DET1: variants seen among roughly 807,000 people sequenced by gnomAD.
DET1 encodes the protein DET1 partner of COP1 E3 ubiquitin ligase, also known as DET1 homolog.
DET1 carries 22 observed loss-of-function variants against 43.7 expected under a neutral mutation model. That is an observed-to-expected ratio of 0.50 (90% CI 0.36 to 0.72). The LOEUF (loss-of-function observed/expected upper bound fraction) is 0.72. Ranked by LOEUF, DET1 falls within the 30% of genes least tolerant of loss-of-function variation. DET1 has a pLI of 0.00. For missense variants in DET1, 713 were observed against 713.3 expected (o/e 1.00, Z 0.00); for synonymous variants, 315 against 266.2 (o/e 1.18, Z -1.79).
At chr15:88,503,505 A>C (rs1258253257) in intron 8 of DET1, 1 of 152,244 alleles carries the variant, frequency 6.6e-6, no homozygotes, top group Non-Finnish European at 1.5e-5. Flanking sequence ...GACATAGGCC[A>C]GGTTAAAGTT....
At chr15:88,506,860 G>A (rs961012104) in intron 7 of DET1, among the ~76,000 whole-genome samples, 1 of 152,160 alleles carries the variant, frequency 6.6e-6, no homozygotes, top group African/African-American at 2.4e-5. Flanking sequence ...GCCAAGCAGG[G>A]ATGGGAGGAG....
chr15:88,521,207 T>A (rs2056481611), intron 3 of DET1, among the ~76,000 whole-genome samples: 1 of 152,206 alleles, frequency 6.6e-6, no homozygotes, highest in Non-Finnish European at 1.5e-5. Context: ...CTCAGGGCCT[T>A]TAGATATGCT....
At chr15:88,503,834 C>T (rs537283619) in intron 8 of DET1, 20 of 152,072 alleles carry the variant, frequency 1.3e-4, no homozygotes, top group African/African-American at 4.8e-4. Flanking sequence ...CCTGTTTCTA[C>T]AAAAAATTAA....
At chr15:88,535,159 T>A (rs114624557) in intron 1 of DET1, among the ~76,000 whole-genome samples, 2 of 152,174 alleles carry the variant, frequency 1.3e-5, no homozygotes, top group Non-Finnish European at 2.9e-5. Flanking sequence ...ATAACCAGCA[T>A]ACAAAACTCT....
Position 88,515,470 on chromosome 15 carries a change from C to T in DET1, c.1463+1312G>A, listed in dbSNP as rs1383328152. ...AGGAGAATTGCTTGATCCTGGGAGG[C>T]AGAGGTTGCAGTGAGTCGAGATCGT... On this transcript the variant is annotated intron_variant, in intron 4 of 4. Transcript: ENST00000268148. Among the ~76,000 whole-genome samples, 5 of 129,844 alleles carry T rather than the reference C, an allele frequency of 3.9e-5. No individual in the cohort carries two copies. In the Admixed American group the frequency reaches 4.8e-4, roughly 13 times the overall value. 85.2% of individuals were successfully genotyped at this position (129,844 alleles called of 152,430 possible). A position where few individuals can be genotyped will look rare whatever the true frequency, so the allele number is the denominator to read the frequency against.
rs777348756 is a variant in DET1 at position 88,531,105 on chromosome 15, C to A, written c.601G>T (p.Gly201Cys). Residue 201 changes from glycine to cysteine, a missense_variant, in exon 2 of 5, where the codon GGC (glycine) becomes TGC (cysteine). Physicochemically the swap from Gly to Cys is radical, Grantham distance 159. Transcript: ENST00000268148. This position sits in a 1 kb window ranked among gnomAD's most constrained non-coding sequence, Gnocchi z 6.2. ...YSLHIIDLHT[G>C]RLCDTRTFKC... Reference sequence around the variant, plus strand: ...AACGTGCGTGTATCACATAAGCGGCCGGTGTGAAGGTCAATGATATGGAGG... The same window carrying A: ...AACGTGCGTGTATCACATAAGCGGCAGGTGTGAAGGTCAATGATATGGAGG... 1 of 1,613,816 alleles carries A rather than the reference C, an allele frequency of 6.2e-7. No homozygotes were observed. The highest frequency in any genetic ancestry group is 1.7e-5 in the Admixed American group (1 of 60,002).
Position 88,530,779 on chromosome 15 carries a change from C to T in DET1, c.927G>A (p.Gln309=), listed in dbSNP as rs200150666. The stretch of plus-strand genomic sequence containing the variant: ...GCCTCTTGGCCATTGCACTACCATC[C>T]TGTTCTGCCCGGCGCCACAAATATA... The part of the protein sequence containing the change: ...LLVYLWRRAE[Q]DGSAMAKRRF... Residue 309 remains glutamine, a synonymous_variant, in exon 2 of 5, where the codon CAG becomes CAA. Coordinates refer to ENST00000268148, the MANE Select transcript of DET1 (RefSeq NM_001144074.3). 42 of 1,613,962 alleles carry T rather than the reference C, an allele frequency of 2.6e-5. No homozygotes were observed. The African/African-American group carries it at 4.8e-4, about 18-fold the overall frequency.
rs2056352521 is a variant in DET1, at chr15:88,516,674, A to G, written c.1463+108T>C. 7.1e-6 allele frequency: 7 copies of G among 991,264 alleles called. No homozygotes were observed. Among genetic ancestry groups the G allele is most frequent in the Middle Eastern group, 3.2e-4 (1 of 3,106 alleles). The allele number at this position is 991,264 out of a possible 1,614,324, so 61.4% of individuals were successfully genotyped here. A position where few individuals can be genotyped will look rare whatever the true frequency, so the allele number is the denominator to read the frequency against. On this transcript the variant is annotated intron_variant, in intron 4 of 4. Coordinates refer to ENST00000268148, the MANE Select transcript of DET1 (RefSeq NM_001144074.3). The surrounding 1 kb of genome is among the most constrained non-coding windows in gnomAD (Gnocchi z 4.4). The stretch of plus-strand genomic sequence containing the variant: ...ATAGCCTGCCTTTTCAACCTTACCC[A>G]TGAGTACGAGTCACAGTCACAATCA...
In DET1 at chr15:88,531,503, T is replaced by C; in HGVS notation, c.203A>G (p.Asp68Gly). ...PPCFLRKFSPDGRYFIAFSSD... is the reference protein window; with the variant it reads ...PPCFLRKFSPGGRYFIAFSSD... ...AGAAAAAGCAATAAAGTAGCGTCCA[T>C]CAGGTGAGAATTTACGCAAGAAACA... The change falls in exon 2 of 5, where the codon GAT (aspartate) becomes GGT (glycine). Residue 68 changes from aspartate (D) to glycine (G), a missense_variant. Transcript: ENST00000268148. The surrounding 1 kb of genome is among the most constrained non-coding windows in gnomAD (Gnocchi z 6.2). 1 of 1,613,990 alleles carries C rather than the reference T, an allele frequency of 6.2e-7. No homozygotes were observed. The highest frequency in any genetic ancestry group is 8.5e-7 in the Non-Finnish European group (1 of 1,179,890).
downstream of DET1, among the ~76,000 whole-genome samples, chr15:88,508,648 T>C (rs2142246400): frequency 6.6e-6 from 1 of 152,298 alleles, no homozygotes; most frequent in South Asian, 2.1e-4. Flanking sequence ...GACCACTGTA[T>C]TGGCAACATG....
At chr15:88,515,538 TATAAAAAAAAAAAAAA>T (rs1261676609) in intron 4 of DET1, among the ~76,000 whole-genome samples, 7 of 47,466 alleles carry the variant, frequency 1.5e-4, no homozygotes, top group African/African-American at 4.9e-4. Flanking sequence ...GACTCCGTCT[TATAAAAAAAAAAAAAA>T]AAAAAAAAAA....
intron 4 of DET1, 114 bp from the exon 5 acceptor site, chr15:88,513,254 G>A: frequency 8.8e-7 from 1 of 1,137,274 alleles, no homozygotes; most frequent in Non-Finnish European, 1.2e-6. Context: ...CCTTATTAAT[G>A]AAATCGCCTC....
At chr15:88,507,514 G>A (rs1283371763), downstream of DET1, among the ~76,000 whole-genome samples, 1 of 152,142 alleles carries the variant, frequency 6.6e-6, no homozygotes, top group Non-Finnish European at 1.5e-5. Flanking sequence ...CTCTAGGGAT[G>A]TCCCCTGAGC....
chr15:88,540,046 C>G (rs892925247), intron 1 of DET1, among the ~76,000 whole-genome samples: 2 of 152,140 alleles, frequency 1.3e-5, no homozygotes, highest in African/African-American at 4.8e-5. Flanking sequence ...TGAGTGGTCC[C>G]TTTCCCCCTC....
At chr15:88,523,047 TA>T (rs1427867202) in intron 3 of DET1, among the ~76,000 whole-genome samples, 2 of 151,884 alleles carry the variant, frequency 1.3e-5, no homozygotes, top group South Asian at 2.1e-4. Flanking sequence ...CACACCCAGC[TA>T]ATTTTTTTGT....
intron 1 of DET1, among the ~76,000 whole-genome samples, chr15:88,532,170 G>A (rs915096501): frequency 6.6e-6 from 1 of 152,132 alleles, no homozygotes; most frequent in South Asian, 2.1e-4. Context: ...AGGCATGGTG[G>A]CACATGACTG....
intron 2 of DET1, among the ~76,000 whole-genome samples, chr15:88,529,534 C>T (rs1208599492): frequency 6.6e-6 from 1 of 152,142 alleles, no homozygotes; most frequent in Non-Finnish European, 1.5e-5. Flanking sequence ...CTTTTTAGAA[C>T]ACATAAACTA....
At chr15:88,540,133 C>T (rs1209069443) in intron 1 of DET1, among the ~76,000 whole-genome samples, 1 of 152,072 alleles carries the variant, frequency 6.6e-6, no homozygotes, top group Non-Finnish European at 1.5e-5. Flanking sequence ...TGGCTCTGCT[C>T]TCGCTCCTTG....
At position 88,516,091 on chromosome 15, in the gene DET1, T is replaced by G. The variant is rs2056337798; in HGVS notation, c.1463+691A>C. ...TATCATAAAGATCTAACTACCACTGTTTCTGTGTGAAAAAGACCTTCCAAG... is the reference window on the plus strand; with the variant it reads ...TATCATAAAGATCTAACTACCACTGGTTCTGTGTGAAAAAGACCTTCCAAG... On this transcript the variant is annotated intron_variant, in intron 4 of 4. Coordinates refer to ENST00000268148, the MANE Select transcript of DET1 (RefSeq NM_001144074.3). The surrounding 1 kb of genome is among the most constrained non-coding windows in gnomAD (Gnocchi z 4.4). 6.6e-6 allele frequency among the ~76,000 whole-genome samples: 1 copy of G among 152,180 alleles called. No homozygotes were observed. The highest frequency in any genetic ancestry group is 2.4e-5 in the African/African-American group (1 of 41,434).
Sources: allele counts gnomAD v4.1 joint callset (sites outside exome capture counted in the v4.1 genomes callset), GRCh38; gene constraint gnomAD v4.1.1; non-coding constraint Gnocchi (gnomAD v3.1); transcripts MANE v1.5; gene names NCBI Gene and HGNC (gene_info 2026-07-23, HGNC 2026-07-21).